Variants in ARMC9 observed in about 807,000 individuals in gnomAD.
ARMC9 encodes the protein lisH domain-containing protein ARMC9.
Under a neutral mutation model 107.0 loss-of-function variants are expected in ARMC9, and 94 were observed. The observed-to-expected ratio is 0.88, with a 90% CI of 0.74 to 1.04. The LOEUF is 1.04. Among genes scored for constraint, ARMC9 ranks in the 50% least tolerant of loss-of-function variants. The probability of loss-of-function intolerance (pLI) is 0.00; values close to 1 mark genes in which losing one functional copy is unlikely to be tolerated. For missense variants in ARMC9, 942 were observed against 1,030.1 expected, an observed-to-expected ratio of 0.91 and a Z score of 1.17; for synonymous variants, 380 against 396.9, an observed-to-expected ratio of 0.96 and a Z score of 0.51.
rs1574889243 is a variant in ARMC9, at chr2:231,271,066, G to A, written c.1204G>A (p.Ala402Thr). The change falls in exon 13 of 25, where the codon GCA (alanine) becomes ACA (threonine). Residue 402 changes from alanine to threonine, a missense_variant. By Grantham distance (58) the Ala-to-Thr change is moderately conservative (BLOSUM62 0). Transcript: ENST00000611582. ...GCTCATCAATGCTTTTGCGTCACTG[G>A]CAGAAGGTGAGACATCAGCTTTGCT... ...ARLINAFASL[A>T]EGRLYLAQNT... The A allele has an allele frequency of 1.2e-6, 2 of 1,613,934 alleles. No homozygotes were observed. Among genetic ancestry groups the A allele is most frequent in the Middle Eastern group, 1.6e-4 (1 of 6,062 alleles).
rs534661157 is a variant in ARMC9, at chr2:231,286,190, A to C, written c.1626+4057A>C. Among the ~76,000 whole-genome samples the C allele has an allele frequency of 6.2e-4, 94 of 151,930 alleles. 1 individual carries two copies. The highest frequency in any genetic ancestry group is 2.1e-3 in the African/African-American group (88 of 41,418). The stretch of plus-strand genomic sequence containing the variant: ...GAGTGCAGTGGTGGGATCTCGGCTT[A>C]CTGTAACCTCCGCCTCCCGAGTTCA... On this transcript the variant is annotated intron_variant, in intron 17 of 24. Transcript: ENST00000611582.
intron 21 of ARMC9, among the ~76,000 whole-genome samples, chr2:231,354,489 C>G (rs1167731874): frequency 6.7e-6 from 1 of 149,450 alleles, no homozygotes; most frequent in Non-Finnish European, 1.5e-5. Context: ...TCAAGCGATT[C>G]TCCTGCCTCA....
intron 6 of ARMC9, 149 bp downstream of exon 6, chr2:231,222,969 T>C (rs1312732001): frequency 1.8e-6 from 1 of 542,196 alleles, no homozygotes; most frequent in Admixed American, 3.6e-5. Flanking sequence ...AATGAATCAT[T>C]AATGGCAGGG....
rs2041420077 is a variant in ARMC9 at position 231,297,016 on chromosome 2, G to A, written c.1773+763G>A. 6.6e-6 allele frequency among the ~76,000 whole-genome samples: 1 copy of A among 152,204 alleles called. No individual in the cohort carries two copies. The highest frequency in any genetic ancestry group is 2.4e-5 in the African/African-American group (1 of 41,458). ...GGGAGCATTCACTGAAAAAGTGGAT[G>A]TCAGAGGATGTTTTTTTGTTTGGAG... On this transcript the variant is annotated intron_variant, in intron 19 of 24. Coordinates refer to ENST00000611582, the MANE Select transcript of ARMC9 (RefSeq NM_001352754.2). This position sits in a 1 kb window ranked among gnomAD's most constrained non-coding sequence, Gnocchi z 4.2.
At chr2:231,233,703 G>A (rs1432014412) in intron 7 of ARMC9, among the ~76,000 whole-genome samples, 1 of 152,002 alleles carries the variant, frequency 6.6e-6, no homozygotes, top group Non-Finnish European at 1.5e-5. Context: ...TTGAACCCGG[G>A]AGGCGGAGGT....
At chr2:231,314,911 A>G (rs1040042489) in intron 19 of ARMC9, among the ~76,000 whole-genome samples, 2 of 152,192 alleles carry the variant, frequency 1.3e-5, no homozygotes, top group East Asian at 3.8e-4. Flanking sequence ...TGAAAAGACT[A>G]TTATTCAACC....
In ARMC9 at chr2:231,355,820, C is replaced by T. The variant is rs1163878738; in HGVS notation, c.2017C>T (p.Pro673Ser). 6 of 1,535,968 alleles carry T rather than the reference C, an allele frequency of 3.9e-6. No individual in the cohort carries two copies. Among genetic ancestry groups the T allele is most frequent in the Non-Finnish European group, 4.4e-6 (5 of 1,146,790 alleles). ...YPVVEDQHTPPQTAQHARNGH... is the reference protein window; with the variant it reads ...YPVVEDQHTPSQTAQHARNGH... ...CAGGGTGGAAGACCAACACACACCT[C>T]CCCAGACAGCCCAGCACGCCAGAAA... The change falls in exon 22 of 25, where the codon CCC (proline) becomes TCC (serine). Residue 673 changes from proline to serine, a missense_variant. Transcript: ENST00000611582.
At chr2:231,244,364 C>CTTTCTTT in intron 9 of ARMC9, among the ~76,000 whole-genome samples, 1 of 129,908 alleles carries the variant, frequency 7.7e-6, no homozygotes, top group South Asian at 2.5e-4. Context: ...GAATGTGGAT[C>CTTTCTTT]TTTTTTTTTT....
intron 19 of ARMC9, among the ~76,000 whole-genome samples, chr2:231,313,539 T>G (rs2042476596): frequency 2.6e-5 from 4 of 152,188 alleles, no homozygotes; most frequent in Admixed American, 2.6e-4. Flanking sequence ...TCCATGAATT[T>G]TAGTAAATTT....
chr2:231,286,766 A>G (rs2040619404), intron 17 of ARMC9, among the ~76,000 whole-genome samples: 1 of 152,256 alleles, frequency 6.6e-6, no homozygotes, highest in African/African-American at 2.4e-5. Flanking sequence ...CTAAGAATGT[A>G]TGTGCTCATG....
chr2:231,233,637 A>G (rs965554008), intron 7 of ARMC9, among the ~76,000 whole-genome samples: 2 of 152,088 alleles, frequency 1.3e-5, no homozygotes, highest in Admixed American at 6.5e-5. Flanking sequence ...TTAGCCGGGC[A>G]TGGTGGCACA....
chr2:231,263,735 G>C (rs1387604826), intron 12 of ARMC9, among the ~76,000 whole-genome samples: 2 of 152,210 alleles, frequency 1.3e-5, no homozygotes, highest in South Asian at 4.1e-4. Context: ...ATGTTCTCAT[G>C]AATGAGTTAA....
At chr2:231,341,528 G>A (rs896730686) in intron 20 of ARMC9, among the ~76,000 whole-genome samples, 1 of 152,196 alleles carries the variant, frequency 6.6e-6, no homozygotes, top group African/African-American at 2.4e-5. Context: ...AGTTCTGTTG[G>A]TCAGGAAGGA....
chr2:231,232,579 G>A (rs991226672), intron 7 of ARMC9, among the ~76,000 whole-genome samples: 2 of 151,556 alleles, frequency 1.3e-5, no homozygotes. Context: ...AGCCTCCCAA[G>A]TAGCTGGGAT....
At chr2:231,316,847 C>A (rs2125526029) in intron 19 of ARMC9, among the ~76,000 whole-genome samples, 1 of 152,218 alleles carries the variant, frequency 6.6e-6, no homozygotes, top group Non-Finnish European at 1.5e-5. Context: ...ACTGCAACCT[C>A]TACCTCCCAG....
rs1413455143 is a variant in ARMC9, at chr2:231,374,221, A to G, written c.*2686A>G. The G allele has an allele frequency of 6.6e-6, 1 of 152,168 alleles. No individual in the cohort carries two copies. Among genetic ancestry groups the G allele is most frequent in the African/African-American group, 2.4e-5 (1 of 41,442 alleles). The allele number at this position is 152,168 out of a possible 1,614,324, so 9.4% of individuals were successfully genotyped here. Reference sequence around the variant, plus strand: ...ATGGAGATCCAAGCAGATGGCGCCTAAGGTTTGCCCTTGAAAACTACCAAG... The same window carrying G: ...ATGGAGATCCAAGCAGATGGCGCCTGAGGTTTGCCCTTGAAAACTACCAAG... On this transcript the variant is annotated 3_prime_UTR_variant, in exon 25 of 25. Coordinates refer to ENST00000611582, the MANE Select transcript of ARMC9 (RefSeq NM_001352754.2).
At chr2:231,251,323 C>T (rs1284570793) in intron 9 of ARMC9, among the ~76,000 whole-genome samples, 2 of 152,032 alleles carry the variant, frequency 1.3e-5, no homozygotes, top group Non-Finnish European at 2.9e-5. Flanking sequence ...CCCGCCACCA[C>T]ACCTGGCTAA....
chr2:231,287,529 G>A (rs1041480904), intron 17 of ARMC9, among the ~76,000 whole-genome samples: 1 of 151,852 alleles, frequency 6.6e-6, no homozygotes, highest in African/African-American at 2.4e-5. Context: ...ACTAGGTATG[G>A]GCTTTGCTTT....
At chr2:231,220,192 A>C (rs1220962135) in intron 5 of ARMC9, among the ~76,000 whole-genome samples, 2 of 152,076 alleles carry the variant, frequency 1.3e-5, no homozygotes, top group African/African-American at 4.8e-5. Context: ...TTGAATTTGT[A>C]ATTTCAGTTA....
Sources: allele counts gnomAD v4.1 joint callset (sites outside exome capture counted in the v4.1 genomes callset), GRCh38; gene constraint gnomAD v4.1.1; non-coding constraint Gnocchi (gnomAD v3.1); transcripts MANE v1.5; gene names NCBI Gene and HGNC (gene_info 2026-07-23, HGNC 2026-07-21).